Variants in HDAC4 observed in about 807,000 individuals in gnomAD.
HDAC4 encodes the protein histone deacetylase 4.
In HDAC4, 16 loss-of-function variants were observed where a neutral mutation model predicts 135.1. The observed-to-expected ratio is 0.12, with a 90% confidence interval of 0.08 to 0.18. The LOEUF is 0.18. Among genes scored for constraint, HDAC4 ranks in the 10% least tolerant of loss-of-function variants. HDAC4 has a pLI of 1.00. For missense variants in HDAC4, 1,143 were observed against 1,511.8 expected, an observed-to-expected ratio of 0.76 and a Z score of 4.05; for synonymous variants, 685 against 653.4, an observed-to-expected ratio of 1.05 and a Z score of -0.74.
chr2:239,369,089 G>T (rs1053749032), intron 1 of HDAC4, among the ~76,000 whole-genome samples: 5 of 152,140 alleles, frequency 3.3e-5, no homozygotes. Flanking sequence ...CAGGCTCGCC[G>T]GCAGGGAGGA....
Position 239,104,653 on chromosome 2 carries a change from C to T in HDAC4, c.2113-1757G>A, listed in dbSNP as rs140736073. Among the ~76,000 whole-genome samples the T allele has an allele frequency of 8.7e-4, 133 of 152,252 alleles. No individual in the cohort carries two copies. In the East Asian group the frequency reaches 0.02, roughly 22 times the overall value. On this transcript the variant is annotated intron_variant, in intron 15 of 26. Transcript: ENST00000543185. ...GGCAGCCCACGCTTGGGAAGGTCCC[C>T]GTAGGGGACCACAGGCTGTGCCCTG...
At chr2:239,365,505 T>C (rs1056458770) in intron 1 of HDAC4, among the ~76,000 whole-genome samples, 5 of 152,198 alleles carry the variant, frequency 3.3e-5, no homozygotes, top group African/African-American at 1.2e-4. Flanking sequence ...GAAGATCAGA[T>C]ACCAAGAGGA....
At chr2:239,396,394 T>A (rs771104792) in intron 1 of HDAC4, among the ~76,000 whole-genome samples, 8 of 152,206 alleles carry the variant, frequency 5.3e-5, no homozygotes, top group Non-Finnish European at 8.8e-5. Context: ...GAAATTTCCA[T>A]ACATTAACTT....
At chr2:239,185,558 CCT>C (rs1213441521) in intron 4 of HDAC4, among the ~76,000 whole-genome samples, 1 of 151,950 alleles carries the variant, frequency 6.6e-6, no homozygotes, top group Non-Finnish European at 1.5e-5. Flanking sequence ...AGAGATGCAC[CCT>C]GAGGTGGGTG....
At chr2:239,358,656 G>A (rs1313685400) in intron 1 of HDAC4, among the ~76,000 whole-genome samples, 1 of 152,208 alleles carries the variant, frequency 6.6e-6, no homozygotes, top group African/African-American at 2.4e-5. Context: ...GAATAATCAT[G>A]AGTCTATACT....
Position 239,052,821 on chromosome 2 carries a change from CCAGAGTGTG to C in HDAC4, c.*267_*275del. 2.0e-6 allele frequency: 1 copy of C among 503,044 alleles called. No individual in the cohort carries two copies. The highest frequency in any genetic ancestry group is 3.6e-6 in the Non-Finnish European group (1 of 279,074). The allele number at this position is 503,044 out of a possible 1,614,324, so 31.2% of individuals were successfully genotyped here. ...TCCACGGCGTCCCTTGCGGGACCCG[CCAGAGTGTG>C]CTTGGCTTCCGCGTGTCCGTGTGTC... On this transcript the variant is annotated 3_prime_UTR_variant, in exon 27 of 27. Coordinates refer to ENST00000543185, the MANE Select transcript of HDAC4 (RefSeq NM_001378414.1).
intron 1 of HDAC4, among the ~76,000 whole-genome samples, chr2:239,385,729 C>T (rs1695751622): frequency 6.6e-6 from 1 of 152,236 alleles, no homozygotes. Context: ...CTGACTGCAG[C>T]CTCGTCCATT....
intron 2 of HDAC4, among the ~76,000 whole-genome samples, chr2:239,258,332 G>A (rs1200503818): frequency 6.7e-6 from 1 of 148,930 alleles, no homozygotes; most frequent in Non-Finnish European, 1.5e-5. Context: ...AAGCACGTCT[G>A]AAAGGACCCT....
At chr2:239,279,830 C>G (rs1405946685) in intron 2 of HDAC4, among the ~76,000 whole-genome samples, 1 of 152,204 alleles carries the variant, frequency 6.6e-6, no homozygotes, top group African/African-American at 2.4e-5. Context: ...GGATGAATGG[C>G]CAGCTCTCAC....
intron 3 of HDAC4, among the ~76,000 whole-genome samples, chr2:239,202,875 T>C (rs531495578): frequency 6.6e-6 from 1 of 152,328 alleles, no homozygotes; most frequent in Admixed American, 6.5e-5. Flanking sequence ...GGTTTTGGCA[T>C]GTCCTGTTAG....
chr2:239,401,193 C>T (rs901246136), upstream of HDAC4, among the ~76,000 whole-genome samples: 5 of 151,910 alleles, frequency 3.3e-5, no homozygotes, highest in Non-Finnish European at 7.4e-5. Context: ...GCCTCCCGCC[C>T]GCCCGCCCCG....
At chr2:239,063,170 T>C (rs1490315796) in intron 24 of HDAC4, among the ~76,000 whole-genome samples, 4 of 151,448 alleles carry the variant, frequency 2.6e-5, no homozygotes, top group African/African-American at 7.3e-5. Context: ...CCATCCCCCA[T>C]CCTCCCAAGC....
At chr2:239,350,279 A>G (rs1261381846) in intron 2 of HDAC4, among the ~76,000 whole-genome samples, 1 of 152,208 alleles carries the variant, frequency 6.6e-6, no homozygotes, top group Non-Finnish European at 1.5e-5. Flanking sequence ...AGCTTTAAAA[A>G]AAAACACTGA....
intron 1 of HDAC4, among the ~76,000 whole-genome samples, chr2:239,388,770 G>A (rs1696001024): frequency 6.6e-6 from 1 of 152,214 alleles, no homozygotes; most frequent in Admixed American, 6.5e-5. Context: ...AGGCTTCTCT[G>A]CATCCAGCCA....
intron 4 of HDAC4, among the ~76,000 whole-genome samples, chr2:239,179,967 G>C (rs2153011394): frequency 6.6e-6 from 1 of 152,348 alleles, no homozygotes; most frequent in South Asian, 2.1e-4. Context: ...TTGAGCATGT[G>C]TGCTCCAGGT....
chr2:239,350,794 G>A (rs1450845644), intron 2 of HDAC4, among the ~76,000 whole-genome samples: 3 of 152,102 alleles, frequency 2.0e-5, no homozygotes, highest in Non-Finnish European at 4.4e-5. Context: ...GGGCCTCTGC[G>A]CCCGGCCGAG....
chr2:239,155,861 C>A (rs938236067), intron 7 of HDAC4, among the ~76,000 whole-genome samples: 1 of 152,218 alleles, frequency 6.6e-6, no homozygotes, highest in Non-Finnish European at 1.5e-5. Flanking sequence ...AGGCACTGCC[C>A]GCCCTCAGCA....
Position 239,049,256 on chromosome 2 carries a change from C to A in HDAC4, c.*3841G>T, listed in dbSNP as rs1330806158. 2 of 152,470 alleles carry A rather than the reference C, an allele frequency of 1.3e-5. No individual in the cohort carries two copies. Among genetic ancestry groups the A allele is most frequent in the African/African-American group, 4.8e-5 (2 of 41,400 alleles). The allele number at this position is 152,470 out of a possible 1,614,324, so 9.4% of individuals were successfully genotyped here. A position where few individuals can be genotyped will look rare whatever the true frequency, so the allele number is the denominator to read the frequency against. ...AATAAGTTCAATAAGACGCAAACTTCCCCGCCCTCCTCTCCTTCAAGGTTT... is the reference window on the plus strand; with the variant it reads ...AATAAGTTCAATAAGACGCAAACTTACCCGCCCTCCTCTCCTTCAAGGTTT... On this transcript the variant is annotated 3_prime_UTR_variant, in exon 27 of 27. Transcript: ENST00000543185.
At chr2:239,396,389 T>C (rs961805623) in intron 1 of HDAC4, among the ~76,000 whole-genome samples, 1 of 152,168 alleles carries the variant, frequency 6.6e-6, no homozygotes, top group African/African-American at 2.4e-5. Context: ...TCAAGGAAAT[T>C]TCCATACATT....
Sources: allele counts gnomAD v4.1 joint callset (sites outside exome capture counted in the v4.1 genomes callset), GRCh38; gene constraint gnomAD v4.1.1; transcripts MANE v1.5; gene names NCBI Gene and HGNC (gene_info 2026-07-23, HGNC 2026-07-21).